NOSTRIN: variants seen among roughly 807,000 people sequenced by gnomAD.
The protein encoded by NOSTRIN is nitric oxide synthase trafficking.
NOSTRIN carries 63 observed loss-of-function variants against 59.0 expected under a neutral mutation model. The observed-to-expected ratio is 1.07, with a 90% CI of 0.87 to 1.32. The LOEUF (loss-of-function observed/expected upper bound fraction) is 1.32. Among genes scored for constraint, NOSTRIN ranks in the 40% most tolerant of loss-of-function variants. NOSTRIN has a pLI of 0.00. For missense variants in NOSTRIN, 512 were observed against 473.1 expected, an observed-to-expected ratio of 1.08 and a Z score of -0.76; for synonymous variants, 200 against 165.4, an observed-to-expected ratio of 1.21 and a Z score of -1.61.
intron 7 of NOSTRIN, among the ~76,000 whole-genome samples, 182 bp downstream of exon 7, chr2:168,834,507 G>GCGCACACACA (rs756381301): frequency 0.04 from 5,008 of 125,192 alleles, 137 homozygotes; most frequent in Non-Finnish European, 0.056. Flanking sequence ...GCGCGCGCGC[G>GCGCACACACA]CACACACACA....
chr2:168,858,000 A>G (rs776154534), intron 12 of NOSTRIN, among the ~76,000 whole-genome samples: 33 of 152,238 alleles, frequency 2.2e-4, no homozygotes, highest in Non-Finnish European at 4.1e-4. Context: ...CAGAGGTCTA[A>G]CATACCTGCA....
chr2:168,852,395 G>A (rs915299918), intron 10 of NOSTRIN, among the ~76,000 whole-genome samples: 3 of 152,098 alleles, frequency 2.0e-5, no homozygotes, highest in Admixed American at 2.0e-4. Context: ...GCTATATTGG[G>A]GCAAATTATT....
At chr2:168,818,480 C>T (rs558531406) in intron 2 of NOSTRIN, among the ~76,000 whole-genome samples, 1 of 152,266 alleles carries the variant, frequency 6.6e-6, no homozygotes, top group South Asian at 2.1e-4. Context: ...ATTAATTCCT[C>T]ATAGACACAG....
intron 2 of NOSTRIN, among the ~76,000 whole-genome samples, chr2:168,818,724 T>C (rs1490195883): frequency 2.6e-5 from 4 of 152,222 alleles, no homozygotes; most frequent in Non-Finnish European, 5.9e-5. Flanking sequence ...CCTTCATTAT[T>C]ACTAATGAAA....
Position 168,855,461 on chromosome 2 carries a change from G to T in NOSTRIN, c.964+1G>T, listed in dbSNP as rs778271922. On this transcript the variant is annotated splice_donor_variant, in intron 11 of 15. Coordinates refer to ENST00000317647, the MANE Select transcript of NOSTRIN (RefSeq NM_001039724.4). LOFTEE classifies it high-confidence loss of function. The stretch of plus-strand genomic sequence containing the variant: ...GAAAAAGCCTCAAAAGACAAGGAAG[G>T]TGTGTAACCATCTCTTTGAATGGCC... 1.3e-6 allele frequency: 2 copies of T among 1,568,284 alleles called. No homozygotes were observed. Among genetic ancestry groups the T allele is most frequent in the Non-Finnish European group, 1.8e-6 (2 of 1,140,972 alleles).
intron 7 of NOSTRIN, among the ~76,000 whole-genome samples, chr2:168,838,776 A>T (rs1417636107): frequency 7.1e-6 from 1 of 141,338 alleles, no homozygotes; most frequent in East Asian, 2.1e-4. Flanking sequence ...CTTCAGAATA[A>T]ATAAAAAAAA....
chr2:168,856,595 T>TATC, intron 11 of NOSTRIN, 95 bp from the exon 12 acceptor site: 1 of 1,043,952 alleles, frequency 9.6e-7, no homozygotes, highest in Admixed American at 2.0e-5. Context: ...ATCTCACTGG[T>TATC]ATCACTTCTA....
At position 168,810,525 on chromosome 2, in the gene NOSTRIN, G is replaced by T. The variant is rs150367449; in HGVS notation, c.28-1042G>T. ...TTGTGTGTTTGTGAATGTGCCTGCTGCAATAGGAGGCACTCAGTAAATGTG... is the reference window on the plus strand; with the variant it reads ...TTGTGTGTTTGTGAATGTGCCTGCTTCAATAGGAGGCACTCAGTAAATGTG... On this transcript the variant is annotated intron_variant, in intron 1 of 15. Coordinates refer to ENST00000317647, the MANE Select transcript of NOSTRIN (RefSeq NM_001039724.4). Among the ~76,000 whole-genome samples the T allele has an allele frequency of 1.2e-3, 178 of 152,252 alleles. 1 individual carries two copies. Among genetic ancestry groups the T allele is most frequent in the African/African-American group, 4.1e-3 (170 of 41,544 alleles).
At chr2:168,834,024 G>T (rs1296670486) in intron 6 of NOSTRIN, 1 of 519,344 alleles carries the variant, frequency 1.9e-6, no homozygotes, top group African/African-American at 1.9e-5. Context: ...AGTGTTAGCT[G>T]CTCTGATGTT....
intron 10 of NOSTRIN, among the ~76,000 whole-genome samples, chr2:168,852,616 G>A (rs1424396606): frequency 6.6e-6 from 1 of 152,142 alleles, no homozygotes; most frequent in Non-Finnish European, 1.5e-5. Flanking sequence ...CAAGCCCACT[G>A]GTCATGTCCT....
chr2:168,863,520 T>G, intron 15 of NOSTRIN: 1 of 985,372 alleles, frequency 1.0e-6, no homozygotes, highest in Non-Finnish European at 1.2e-6. Context: ...ACAAGAGCCA[T>G]GTTTCTTGTC....
intron 6 of NOSTRIN, 73 bp from the exon 7 acceptor site, chr2:168,834,154 C>A: frequency 2.6e-6 from 2 of 779,300 alleles, no homozygotes; most frequent in Non-Finnish European, 2.3e-6. Context: ...GTGCTTTGTT[C>A]CAAAAGAGGA....
At chr2:168,820,236 A>G (rs1014287441) in intron 2 of NOSTRIN, among the ~76,000 whole-genome samples, 1 of 152,128 alleles carries the variant, frequency 6.6e-6, no homozygotes, top group Non-Finnish European at 1.5e-5. Context: ...CTTCCTTCCT[A>G]TGTGCCCTCA....
chr2:168,797,074 TTTTTC>T (rs1199863641), upstream of NOSTRIN, among the ~76,000 whole-genome samples: 121 of 92,036 alleles, frequency 1.3e-3, no homozygotes, highest in African/African-American at 5.0e-3. Flanking sequence ...TTCTTTTTCT[TTTTTC>T]TTTTTTTTTT....
At chr2:168,821,241 G>A (rs1226114104) in intron 2 of NOSTRIN, among the ~76,000 whole-genome samples, 1 of 152,180 alleles carries the variant, frequency 6.6e-6, no homozygotes, top group East Asian at 1.9e-4. Flanking sequence ...GACTCAGAAG[G>A]GTTTATGTGT....
intron 7 of NOSTRIN, among the ~76,000 whole-genome samples, chr2:168,838,961 T>G (rs1168434423): frequency 6.6e-6 from 1 of 151,838 alleles, no homozygotes; most frequent in Non-Finnish European, 1.5e-5. Context: ...TTTTTTGTAT[T>G]TTTAGTAGAG....
At chr2:168,861,903 G>T in intron 14 of NOSTRIN, 57 bp from the exon 15 acceptor site, 1 of 1,483,328 alleles carries the variant, frequency 6.7e-7, no homozygotes, top group Non-Finnish European at 9.4e-7. Flanking sequence ...AAGAGCTTCA[G>T]CTCATATTCA....
chr2:168,857,212 T>C (rs771234726), intron 12 of NOSTRIN, among the ~76,000 whole-genome samples: 1 of 152,194 alleles, frequency 6.6e-6, no homozygotes, highest in Non-Finnish European at 1.5e-5. Flanking sequence ...CATGGGGCTT[T>C]TGTGAGGGTG....
chr2:168,828,007 T>C, intron 3 of NOSTRIN, 151 bp from the exon 4 acceptor site: 1 of 656,268 alleles, frequency 1.5e-6, no homozygotes, highest in Non-Finnish European at 2.8e-6. Flanking sequence ...TGGCAGAATG[T>C]AATCTCATAG....
Sources: allele counts gnomAD v4.1 joint callset (sites outside exome capture counted in the v4.1 genomes callset), GRCh38; gene constraint gnomAD v4.1.1; transcripts MANE v1.5; gene names NCBI Gene and HGNC (gene_info 2026-07-23, HGNC 2026-07-21).